The following TEX101 variants were observed in gnomAD, a reference collection of about 807,000 sequenced individuals.
TEX101 encodes the protein testis expressed 101.
Under a neutral mutation model 18.1 loss-of-function variants are expected in TEX101, and 10 were observed. That is an observed-to-expected ratio of 0.55 (90% CI 0.34 to 0.94). The LOEUF is 0.94. Ranked by LOEUF, TEX101 falls within the 40% of genes least tolerant of loss-of-function variation. The pLI, the probability that TEX101 is intolerant of heterozygous loss-of-function variation, is 0.02. For synonymous variants in TEX101, 94 were observed against 114.8 expected (o/e 0.82, Z 1.16); for missense variants, 259 against 298.9 (o/e 0.87, Z 0.98).
At chr19:43,397,110 A>G (rs888878923), upstream of TEX101, among the ~76,000 whole-genome samples, 6 of 152,142 alleles carry the variant, frequency 3.9e-5, no homozygotes, top group Non-Finnish European at 8.8e-5. Flanking sequence ...TGCTGGGATT[A>G]CAGGCATGAG....
chr19:43,407,608 A>G lies in TEX101; in HGVS notation c.15+1089A>G, dbSNP rs1175819783. Among the ~76,000 whole-genome samples the G allele has an allele frequency of 3.9e-5, 6 of 152,372 alleles. No homozygotes were observed. The East Asian group carries it at 5.8e-4, about 15-fold the overall frequency. ...CGTGGTTGCCATGGTGCTCTTGCCC[A>G]GTACCACAGGTCCCCAGGTTCAGAC... On this transcript the variant is annotated intron_variant, in intron 3 of 7. Transcript: ENST00000602198.
rs1747626508 is a variant in TEX101 at position 43,418,487 on chromosome 19, G to A, written c.*90G>A. 5 of 1,016,520 alleles carry A rather than the reference G, an allele frequency of 4.9e-6. No homozygotes were observed. The highest frequency in any genetic ancestry group is 5.9e-6 in the Non-Finnish European group (4 of 680,410). The allele number at this position is 1,016,520 out of a possible 1,614,324, so 63.0% of individuals were successfully genotyped here. A position where few individuals can be genotyped will look rare whatever the true frequency, so the allele number is the denominator to read the frequency against. Reference sequence around the variant, plus strand: ...GTTCAACAAGCTGAGGAGTAGATGGGAATTTGAGGGAGAATACAGAGATAC... The same window carrying A: ...GTTCAACAAGCTGAGGAGTAGATGGAAATTTGAGGGAGAATACAGAGATAC... On this transcript the variant is annotated 3_prime_UTR_variant, in exon 6 of 6. Coordinates refer to ENST00000598265, the MANE Select transcript of TEX101 (RefSeq NM_001130011.3).
In TEX101 at chr19:43,408,064, C is replaced by CG. The variant is rs147790085; in HGVS notation, c.15+1550dup. ...CCATCAATCCTTCCTTCCTCAATCC[C>CG]GGGGGTCTCCCGCGTCCCCATACCC... is the stretch of plus-strand genomic sequence containing the variant. On this transcript the variant is annotated intron_variant, in intron 3 of 7. Coordinates refer to the TEX101 transcript ENST00000602198. Among the ~76,000 whole-genome samples the CG allele has an allele frequency of 5.3e-3, 808 of 152,332 alleles. 8 individuals carry two copies. The highest frequency in any genetic ancestry group is 0.018 in the African/African-American group (747 of 41,582).
upstream of TEX101, among the ~76,000 whole-genome samples, chr19:43,397,241 C>T (rs1444334757): frequency 6.6e-6 from 1 of 152,034 alleles, no homozygotes; most frequent in African/African-American, 2.4e-5. Flanking sequence ...CTTTACTGGG[C>T]CTGAAGGGTC....
chr19:43,400,422 C>T (rs1169751516), upstream of TEX101, among the ~76,000 whole-genome samples: 1 of 152,178 alleles, frequency 6.6e-6, no homozygotes, highest in African/African-American at 2.4e-5. Context: ...CTTGGGTTTT[C>T]GTTTAAATGC....
intron 3 of TEX101, among the ~76,000 whole-genome samples, chr19:43,406,931 G>GTTTTTTTTTT (rs1002990799): frequency 1.7e-5 from 2 of 116,116 alleles, no homozygotes; most frequent in Non-Finnish European, 3.5e-5. Flanking sequence ...TTTGTTTTTT[G>GTTTTTTTTTT]TTTTTTTTTT....
chr19:43,393,617 C>T, the TEX101 span, among the ~76,000 whole-genome samples: 2 of 152,134 alleles, frequency 1.3e-5, no homozygotes, highest in Non-Finnish European at 2.9e-5. Flanking sequence ...TGCACATCAT[C>T]AGCACTTGGC....
Position 43,418,450 on chromosome 19 carries a change from C to T in TEX101, c.*53C>T. 1 of 1,503,076 alleles carries T rather than the reference C, an allele frequency of 6.7e-7. No homozygotes were observed. The highest frequency in any genetic ancestry group is 9.1e-7 in the Non-Finnish European group (1 of 1,096,386). 93.1% of individuals were successfully genotyped at this position (1,503,076 alleles called of 1,614,324 possible). A position where few individuals can be genotyped will look rare whatever the true frequency, so the allele number is the denominator to read the frequency against. On this transcript the variant is annotated 3_prime_UTR_variant, in exon 6 of 6. Coordinates refer to ENST00000598265, the MANE Select transcript of TEX101 (RefSeq NM_001130011.3). ...GACATCTTTTTTGACTGGGAGCCTT[C>T]TTACTGTTGAGGTTCAACAAGCTGA...
upstream of TEX101, among the ~76,000 whole-genome samples, chr19:43,411,253 T>G (rs1367444676): frequency 2.6e-5 from 4 of 152,022 alleles, no homozygotes; most frequent in Non-Finnish European, 5.9e-5. Context: ...ATTTTTTCAT[T>G]TTTAGTGGAG....
upstream of TEX101, among the ~76,000 whole-genome samples, chr19:43,410,873 AT>A (rs552427164): frequency 7.8e-4 from 118 of 151,764 alleles, 6 homozygotes; most frequent in South Asian, 0.021. Flanking sequence ...CAAAAAAAAA[AT>A]TTTTTTTTGA....
chr19:43,412,002 A>G (rs1433878121), upstream of TEX101, among the ~76,000 whole-genome samples: 1 of 152,192 alleles, frequency 6.6e-6, no homozygotes, highest in African/African-American at 2.4e-5. Flanking sequence ...TTGGAGAGGA[A>G]CAGAAATTGG....
rs781479770 is a variant in TEX101, at chr19:43,418,343, G to A, written c.696G>A (p.Trp232Ter). Residue 232 changes from tryptophan (W) to a stop codon, truncating the protein, a stop_gained, in exon 6 of 6, where the codon TGG (tryptophan) becomes TGA (stop). Transcript: ENST00000598265. LOFTEE classifies it low-confidence loss of function (END_TRUNC). ...CCACCTGTCTTCCCATTCCTGTTTG[G>A]GGGTTACAGCTACTGCTGCCATTGC... is the stretch of plus-strand genomic sequence containing the variant. ...NGATCLPIPVWGLQLLLPLLL... is the reference protein window; with the variant it reads ...NGATCLPIPV The A allele has an allele frequency of 3.1e-6, 5 of 1,614,018 alleles. No individual in the cohort carries two copies. In the Admixed American group the frequency reaches 5.0e-5, roughly 16 times the overall value.
intron 1 of TEX101, 127 bp from the exon 2 acceptor site, chr19:43,415,754 C>T (rs1267853263): frequency 3.9e-4 from 304 of 777,730 alleles, no homozygotes; most frequent in Middle Eastern, 7.8e-4. Context: ...TGCAAGACTC[C>T]GTCTCAAAAA....
upstream of TEX101, among the ~76,000 whole-genome samples, chr19:43,398,255 TA>T (rs1421376927): frequency 2.5e-5 from 3 of 120,406 alleles, no homozygotes; most frequent in Non-Finnish European, 4.9e-5. Context: ...ATAATATATA[TA>T]ATATATATAA....
chr19:43,410,940 G>A (rs532946778), upstream of TEX101, among the ~76,000 whole-genome samples: 4 of 152,058 alleles, frequency 2.6e-5, no homozygotes, highest in Admixed American at 6.5e-5. Flanking sequence ...GCGTTATCTC[G>A]GCTCACTGCA....
intron 3 of TEX101, among the ~76,000 whole-genome samples, chr19:43,408,294 C>T (rs1346001831): frequency 6.7e-6 from 1 of 150,136 alleles, no homozygotes; most frequent in African/African-American, 2.4e-5. Flanking sequence ...TCTGCCCGGG[C>T]TCGACCAGGG....
chr19:43,403,331 C>T (rs1278585321), intron 2 of TEX101, among the ~76,000 whole-genome samples: 1 of 152,198 alleles, frequency 6.6e-6, no homozygotes, highest in Non-Finnish European at 1.5e-5. Flanking sequence ...AAACTTCATG[C>T]TGTATCAGTG....
intron 3 of TEX101, among the ~76,000 whole-genome samples, chr19:43,408,444 GGGA>G (rs759302833): frequency 4.6e-5 from 7 of 152,306 alleles, no homozygotes; most frequent in Admixed American, 2.6e-4. Context: ...CCGGTAGGCG[GGGA>G]GGAGAAGAGG....
chr19:43,403,503 C>T (rs1970335407), intron 2 of TEX101, among the ~76,000 whole-genome samples: 1 of 152,078 alleles, frequency 6.6e-6, no homozygotes, highest in Admixed American at 6.6e-5. Flanking sequence ...CTCATGGGTG[C>T]AGCAAACCAG....
Sources: allele counts gnomAD v4.1 joint callset (sites outside exome capture counted in the v4.1 genomes callset), GRCh38; gene constraint gnomAD v4.1.1; transcripts MANE v1.5; gene names NCBI Gene and HGNC (gene_info 2026-07-23, HGNC 2026-07-21).